TSPAN18: variants seen among roughly 807,000 people sequenced by gnomAD.
The protein encoded by TSPAN18 is tetraspanin 18, also known as tetraspanin-18.
A neutral mutation model predicts 27.3 loss-of-function variants in TSPAN18; 14 were observed. That is an observed-to-expected ratio of 0.51 (90% CI 0.34 to 0.80). The LOEUF is 0.80. Ranked by LOEUF, TSPAN18 falls within the 30% of genes least tolerant of loss-of-function variation. The pLI, the probability that TSPAN18 is intolerant of heterozygous loss-of-function variation, is 0.01. For synonymous variants in TSPAN18, 143 were observed against 136.5 expected (o/e 1.05, Z -0.33); for missense variants, 268 against 323.9 (o/e 0.83, Z 1.32).
At chr11:44,748,995 A>G (rs7128074) in intron 1 of TSPAN18, among the ~76,000 whole-genome samples, 53,248 of 151,976 alleles carry the variant, frequency 0.35, 13,334 homozygotes, top group East Asian at 0.82. Flanking sequence ...TTTTGGGATG[A>G]TAAGACTGGT....
Position 44,931,156 on chromosome 11 carries a change from C to G in TSPAN18, c.*1978C>G. 5.7e-6 allele frequency: 2 copies of G among 351,030 alleles called. No individual in the cohort carries two copies. Among genetic ancestry groups the G allele is most frequent in the East Asian group, 7.6e-5 (1 of 13,118 alleles). 21.7% of individuals were successfully genotyped at this position (351,030 alleles called of 1,614,324 possible). A position where few individuals can be genotyped will look rare whatever the true frequency, so the allele number is the denominator to read the frequency against. On this transcript the variant is annotated 3_prime_UTR_variant, in exon 10 of 10. Transcript: ENST00000520358. The stretch of plus-strand genomic sequence containing the variant: ...CCCTTTAACAGCTTGCTCTGGCAAC[C>G]CCATAAATGACACCTGAGGTCCGTA...
At chr11:44,837,421 T>C (rs1857285412) in intron 2 of TSPAN18, among the ~76,000 whole-genome samples, 1 of 152,248 alleles carries the variant, frequency 6.6e-6, no homozygotes, top group African/African-American at 2.4e-5. Context: ...TTACTTCCTA[T>C]GGATAAGCAA....
chr11:44,794,014 G>A (rs552390740), intron 2 of TSPAN18, among the ~76,000 whole-genome samples: 3 of 152,328 alleles, frequency 2.0e-5, no homozygotes, highest in African/African-American at 7.2e-5. Context: ...GTCAGCGGGT[G>A]GGACTTGAAA....
At chr11:44,859,161 C>T (rs181368625) in intron 2 of TSPAN18, among the ~76,000 whole-genome samples, 2 of 152,226 alleles carry the variant, frequency 1.3e-5, no homozygotes, top group East Asian at 1.9e-4. Flanking sequence ...TGGGGGCCCA[C>T]GCAGGTCTCT....
chr11:44,835,750 T>G (rs1384703482), intron 2 of TSPAN18, among the ~76,000 whole-genome samples: 1 of 152,234 alleles, frequency 6.6e-6, no homozygotes, highest in East Asian at 1.9e-4. Context: ...CAACTGTGCA[T>G]AGAGCAAATC....
chr11:44,908,774 A>AGAAAAG (rs1859569341), intron 4 of TSPAN18, among the ~76,000 whole-genome samples: 1 of 92,636 alleles, frequency 1.1e-5, no homozygotes, highest in South Asian at 4.1e-4. Context: ...GAAAGGAGAA[A>AGAAAAG]GAAAGAAAGA....
In TSPAN18 at chr11:44,822,873, A is replaced by T. The variant is rs1054418235; in HGVS notation, c.-152-37455A>T. 1.7e-4 allele frequency among the ~76,000 whole-genome samples: 26 copies of T among 152,262 alleles called. No homozygotes were observed. In the Middle Eastern group the frequency reaches 0.01, roughly 60 times the overall value. On this transcript the variant is annotated intron_variant, in intron 2 of 9. Transcript: ENST00000520358. ...AAGTCCTGCTAAACCAAGTTAAGGGAATTAAAGGGACTGAGGGTCTCACAT... is the reference window on the plus strand; with the variant it reads ...AAGTCCTGCTAAACCAAGTTAAGGGTATTAAAGGGACTGAGGGTCTCACAT...
chr11:44,775,587 C>T (rs576052003), intron 2 of TSPAN18, among the ~76,000 whole-genome samples: 2 of 152,050 alleles, frequency 1.3e-5, no homozygotes, highest in Non-Finnish European at 2.9e-5. Context: ...TGGTTTGCTC[C>T]CTCTAGTGGC....
At chr11:44,905,201 G>A (rs1260682735) in intron 3 of TSPAN18, among the ~76,000 whole-genome samples, 2 of 152,156 alleles carry the variant, frequency 1.3e-5, no homozygotes, top group African/African-American at 2.4e-5. Context: ...ACCTTATTTT[G>A]TGGAAGAAGA....
At chr11:44,789,081 G>A (rs1031986815) in intron 2 of TSPAN18, among the ~76,000 whole-genome samples, 3 of 152,144 alleles carry the variant, frequency 2.0e-5, no homozygotes, top group Admixed American at 6.5e-5. Context: ...TTTTCCCTTC[G>A]CGCTAACCTG....
chr11:44,738,818 A>G (rs917890365), intron 1 of TSPAN18, among the ~76,000 whole-genome samples: 3 of 152,232 alleles, frequency 2.0e-5, no homozygotes, highest in African/African-American at 4.8e-5. Context: ...AGCCGGTAAC[A>G]TCTTCTAATT....
In TSPAN18 at chr11:44,919,963, G is replaced by A; in HGVS notation, c.579G>A (p.Glu193=). 6.2e-7 allele frequency: 1 copy of A among 1,614,090 alleles called. No homozygotes were observed. The highest frequency in any genetic ancestry group is 1.1e-5 in the South Asian group (1 of 91,088). Residue 193 remains glutamate (E), a synonymous_variant, in exon 8 of 10, where the codon GAG becomes GAA. Coordinates refer to ENST00000520358, the MANE Select transcript of TSPAN18 (RefSeq NM_130783.5). The stretch of plus-strand genomic sequence containing the variant: ...ACGGGGTCCTGCTGAGCCGGGAGGA[G>A]TGCCTCCTGGGAAGGAGCCTATTCC... ...SRDGVLLSRE[E]CLLGRSLFLN...
intron 3 of TSPAN18, among the ~76,000 whole-genome samples, chr11:44,880,841 A>G (rs1858470416): frequency 6.6e-6 from 1 of 152,240 alleles, no homozygotes; most frequent in African/African-American, 2.4e-5. Context: ...CCCACCTGCC[A>G]GGGCAGCACC....
chr11:44,836,218 G>T (rs1238129395), intron 2 of TSPAN18, among the ~76,000 whole-genome samples: 1 of 152,238 alleles, frequency 6.6e-6, no homozygotes, highest in Non-Finnish European at 1.5e-5. Context: ...TAACTAAGTT[G>T]TGAATGCCAA....
chr11:44,899,027 A>T (rs1387575361), intron 3 of TSPAN18, among the ~76,000 whole-genome samples: 1 of 152,164 alleles, frequency 6.6e-6, no homozygotes, highest in Non-Finnish European at 1.5e-5. Context: ...AGGCACATGA[A>T]CCTTCAGACC....
chr11:44,776,688 G>A (rs1033807602), intron 2 of TSPAN18, among the ~76,000 whole-genome samples: 5 of 152,150 alleles, frequency 3.3e-5, no homozygotes, highest in Non-Finnish European at 5.9e-5. Context: ...GACTCTCCGT[G>A]TGACTACAGT....
intron 1 of TSPAN18, among the ~76,000 whole-genome samples, chr11:44,758,143 G>C (rs987343415): frequency 3.9e-5 from 6 of 152,164 alleles, no homozygotes; most frequent in Non-Finnish European, 7.4e-5. Flanking sequence ...TAGAAGAAAA[G>C]CTTTCAGTCT....
At chr11:44,910,055 C>G (rs1360951126) in intron 5 of TSPAN18, among the ~76,000 whole-genome samples, 156 bp downstream of exon 5, 5 of 152,198 alleles carry the variant, frequency 3.3e-5, no homozygotes, top group Admixed American at 6.5e-5. Flanking sequence ...ATGAGCACGT[C>G]TGACCCCACT....
intron 1 of TSPAN18, chr11:44,736,399 A>G (rs1053124186): frequency 2.0e-5 from 3 of 152,266 alleles, no homozygotes; most frequent in South Asian, 2.1e-4. Context: ...CATTCTTTCA[A>G]CTCGCCTTTC....
Sources: allele counts gnomAD v4.1 joint callset (sites outside exome capture counted in the v4.1 genomes callset), GRCh38; gene constraint gnomAD v4.1.1; transcripts MANE v1.5; gene names NCBI Gene and HGNC (gene_info 2026-07-23, HGNC 2026-07-21).